Variants in WIPF2 observed in about 807,000 individuals in gnomAD.
WIPF2 encodes the protein WAS/WASL interacting protein family member 2.
A neutral mutation model predicts 38.8 loss-of-function variants in WIPF2; 23 were observed. The ratio of observed to expected loss-of-function variants is 0.59; its 90% confidence interval spans 0.43 to 0.84. WIPF2 has a LOEUF of 0.84. Among genes scored for constraint, WIPF2 ranks in the 40% least tolerant of loss-of-function variants. WIPF2 has a pLI of 0.00. For synonymous variants in WIPF2, 210 were observed against 223.2 expected, an observed-to-expected ratio of 0.94 and a Z score of 0.53; for missense variants, 574 against 580.5, an observed-to-expected ratio of 0.99 and a Z score of 0.11.
At chr17:40,231,041 T>A (rs1295273600) in intron 1 of WIPF2, among the ~76,000 whole-genome samples, 1 of 152,170 alleles carries the variant, frequency 6.6e-6, no homozygotes. Context: ...GTACTTCTGT[T>A]TAATTGGATC....
intron 1 of WIPF2, among the ~76,000 whole-genome samples, chr17:40,227,055 T>G (rs2030523150): frequency 6.6e-6 from 1 of 151,950 alleles, no homozygotes; most frequent in Non-Finnish European, 1.5e-5. Context: ...TATTTATTTT[T>G]TTTTGAGACA....
intron 2 of WIPF2, among the ~76,000 whole-genome samples, chr17:40,259,139 A>G (rs1005491321): frequency 1.4e-4 from 21 of 146,500 alleles, no homozygotes; most frequent in African/African-American, 5.0e-4. Flanking sequence ...TGGGCCTCCC[A>G]AAGTGCTGGG....
intron 1 of WIPF2, among the ~76,000 whole-genome samples, chr17:40,237,241 C>CTTTTTTTTTTTTTT (rs533124301): frequency 7.7e-6 from 1 of 129,482 alleles, no homozygotes. Flanking sequence ...TCAATTTTTC[C>CTTTTTTTTTTTTTT]TTTTTTTTTT....
chr17:40,224,094 T>C (rs1385783463), intron 1 of WIPF2, among the ~76,000 whole-genome samples: 1 of 151,948 alleles, frequency 6.6e-6, no homozygotes, highest in East Asian at 1.9e-4. Context: ...AAAAACCTGC[T>C]TAATATTATG....
At chr17:40,228,687 G>A (rs2145283922) in intron 1 of WIPF2, among the ~76,000 whole-genome samples, 1 of 151,774 alleles carries the variant, frequency 6.6e-6, no homozygotes, top group Non-Finnish European at 1.5e-5. Context: ...GGAATTTAGT[G>A]GTGCAAACAT....
chr17:40,269,322 AAAAT>A (rs894045687), intron 5 of WIPF2, among the ~76,000 whole-genome samples: 7 of 151,838 alleles, frequency 4.6e-5, no homozygotes, highest in African/African-American at 1.5e-4. Flanking sequence ...TCTGTCTCAA[AAAAT>A]AAATAAATAA....
At chr17:40,264,342 A>G (rs1165854511) in intron 4 of WIPF2, 148 bp from the exon 5 acceptor site, 17 of 666,082 alleles carry the variant, frequency 2.6e-5, no homozygotes, top group South Asian at 8.3e-5. Context: ...AAAAAAAAAA[A>G]AAAAAAAAAA....
chr17:40,260,792 CTCT>C (rs1455541552), intron 3 of WIPF2, 125 bp downstream of exon 3: 5 of 1,281,236 alleles, frequency 3.9e-6, no homozygotes, highest in Admixed American at 1.9e-5. Context: ...TGCTTTGGCT[CTCT>C]TCTTATTCAT....
intron 1 of WIPF2, among the ~76,000 whole-genome samples, chr17:40,239,160 C>T (rs1314733648): frequency 6.6e-6 from 1 of 151,742 alleles, no homozygotes; most frequent in Non-Finnish European, 1.5e-5. Context: ...CAAGCTCCGC[C>T]TCCCAGGTTC....
At chr17:40,251,101 A>G (rs1459526242) in intron 1 of WIPF2, among the ~76,000 whole-genome samples, 2 of 151,680 alleles carry the variant, frequency 1.3e-5, no homozygotes, top group African/African-American at 2.4e-5. Context: ...TTCTTAGTAG[A>G]GACGGGGTTT....
rs908146397 is a variant in WIPF2 at position 40,280,530 on chromosome 17, A to T, written c.*2305A>T. The T allele has an allele frequency of 6.5e-6, 1 of 152,782 alleles. No individual in the cohort carries two copies. The highest frequency in any genetic ancestry group is 1.5e-5 in the Non-Finnish European group (1 of 68,120). 9.5% of individuals were successfully genotyped at this position (152,782 alleles called of 1,614,324 possible). A position where few individuals can be genotyped will look rare whatever the true frequency, so the allele number is the denominator to read the frequency against. ...GCTAGTGGAGGGAAAAGGAGAGAGT[A>T]CAAGAGTTGATACTGCATCAGAGTT... On this transcript the variant is annotated 3_prime_UTR_variant, in exon 8 of 8. Coordinates refer to ENST00000323571, the MANE Select transcript of WIPF2 (RefSeq NM_133264.5).
intron 1 of WIPF2, among the ~76,000 whole-genome samples, chr17:40,235,527 C>G (rs1458495738): frequency 6.6e-6 from 1 of 151,254 alleles, no homozygotes; most frequent in Non-Finnish European, 1.5e-5. Flanking sequence ...AGTGGAGCAC[C>G]TCTTCCAGAG....
chr17:40,281,108 C>G lies in WIPF2; in HGVS notation c.*2883C>G, dbSNP rs141843672. On this transcript the variant is annotated 3_prime_UTR_variant, in exon 8 of 8. Coordinates refer to ENST00000323571, the MANE Select transcript of WIPF2 (RefSeq NM_133264.5). ...CCTTTTAAACTGCTCTTTTTATCTGCTTGTGGGAATGTCGTCTCTTTCGTG... is the reference window on the plus strand; with the variant it reads ...CCTTTTAAACTGCTCTTTTTATCTGGTTGTGGGAATGTCGTCTCTTTCGTG... 3 of 152,430 alleles carry G rather than the reference C, an allele frequency of 2.0e-5. No individual in the cohort carries two copies. The highest frequency in any genetic ancestry group is 7.2e-5 in the African/African-American group (3 of 41,550). 9.4% of individuals were successfully genotyped at this position (152,430 alleles called of 1,614,324 possible). A position where few individuals can be genotyped will look rare whatever the true frequency, so the allele number is the denominator to read the frequency against.
In WIPF2 at chr17:40,219,330, T is replaced by G. The variant is rs756482374; in HGVS notation, c.-232T>G. On this transcript the variant is annotated 5_prime_UTR_variant, in exon 1 of 8. Transcript: ENST00000323571. ...TTTTGTTCGCGGACGCTGGGGACGG[T>G]GGGAGCAGATCCATTTCCGGGTTGG... 5 of 333,658 alleles carry G rather than the reference T, an allele frequency of 1.5e-5. No individual in the cohort carries two copies. The highest frequency in any genetic ancestry group is 6.9e-5 in the African/African-American group (3 of 43,396). 20.7% of individuals were successfully genotyped at this position (333,658 alleles called of 1,614,324 possible).
chr17:40,237,875 AC>A (rs1191481465), intron 1 of WIPF2, among the ~76,000 whole-genome samples: 1 of 127,822 alleles, frequency 7.8e-6, no homozygotes, highest in Admixed American at 8.2e-5. Flanking sequence ...CAAACTCCTA[AC>A]CCTGTCTCTA....
chr17:40,274,847 C>CT (rs2145413339), intron 6 of WIPF2, among the ~76,000 whole-genome samples: 1 of 149,206 alleles, frequency 6.7e-6, no homozygotes, highest in African/African-American at 2.5e-5. Flanking sequence ...GGAGGATTGC[C>CT]TAAGTCCAGG....
chr17:40,228,858 C>T (rs2030614302), intron 1 of WIPF2, among the ~76,000 whole-genome samples: 1 of 151,702 alleles, frequency 6.6e-6, no homozygotes, highest in Non-Finnish European at 1.5e-5. Flanking sequence ...TTAAGCAGTC[C>T]TCCTATCTCG....
intron 4 of WIPF2, among the ~76,000 whole-genome samples, chr17:40,263,879 A>T (rs563696883): frequency 1.2e-4 from 18 of 152,270 alleles, no homozygotes; most frequent in African/African-American, 4.1e-4. Context: ...ATTAAAAAAA[A>T]TATGTGAGGT....
intron 1 of WIPF2, among the ~76,000 whole-genome samples, chr17:40,232,608 C>T (rs190759484): frequency 1.5e-3 from 235 of 151,704 alleles, no homozygotes; most frequent in African/African-American, 5.4e-3. Context: ...TATGAGCCAC[C>T]GTGCCCGGCC....
Sources: allele counts gnomAD v4.1 joint callset (sites outside exome capture counted in the v4.1 genomes callset), GRCh38; gene constraint gnomAD v4.1.1; transcripts MANE v1.5; gene names NCBI Gene and HGNC (gene_info 2026-07-23, HGNC 2026-07-21).